Variants in PLA2G2C observed in about 807,000 individuals in gnomAD.
The protein encoded by PLA2G2C is putative inactive group IIC secretory phospholipase A2.
PLA2G2C carries 15 observed loss-of-function variants against 14.3 expected under a neutral mutation model. The ratio of observed to expected loss-of-function variants is 1.05; its 90% confidence interval spans 0.70 to 1.62. PLA2G2C has a LOEUF of 1.62. Ranked by LOEUF, PLA2G2C falls within the 40% of genes most tolerant of loss-of-function variation. The pLI is 0.00. For missense variants in PLA2G2C, 162 were observed against 173.2 expected (o/e 0.94, Z 0.36); for synonymous variants, 79 against 67.7 (o/e 1.17, Z -0.82).
At position 20,177,311 on chromosome 1, in the gene PLA2G2C, G is replaced by A. The variant is rs528812876; in HGVS notation, c.40+13C>T. 1 of 700,744 alleles carries A rather than the reference G, an allele frequency of 1.4e-6. No individual in the cohort carries two copies. The highest frequency in any genetic ancestry group is 1.7e-5 in the African/African-American group (1 of 57,308). 43.4% of individuals were successfully genotyped at this position (700,744 alleles called of 1,614,324 possible). On this transcript the variant is annotated intron_variant, in intron 2 of 4. Coordinates refer to ENST00000679259, the MANE Select transcript of PLA2G2C (RefSeq NM_001367969.2). Reference sequence around the variant, plus strand: ...CAGAAGCTTGGTGCTGACCCACCAAGCTCTCTACTTACAGCAGAAGAGGAG... The same window carrying A: ...CAGAAGCTTGGTGCTGACCCACCAAACTCTCTACTTACAGCAGAAGAGGAG...
Position 20,175,159 on chromosome 1 carries a change from T to A in PLA2G2C, c.41-14A>T, listed in dbSNP as rs761265164. 6.2e-7 allele frequency: 1 copy of A among 1,612,726 alleles called. No individual in the cohort carries two copies. On this transcript the variant is annotated splice_polypyrimidine_tract_variant and intron_variant, in intron 2 of 4. Transcript: ENST00000679259. ...TGTGGGTGGGGGCTGCCACCACCGATGAGAAAAAAAGGAAGAAGGAAGTTG... is the reference window on the plus strand; with the variant it reads ...TGTGGGTGGGGGCTGCCACCACCGAAGAGAAAAAAAGGAAGAAGGAAGTTG...
intron 1 of PLA2G2C, among the ~76,000 whole-genome samples, chr1:20,185,882 AGAG>A (rs1016064512): frequency 2.0e-5 from 3 of 152,142 alleles, no homozygotes; most frequent in African/African-American, 7.2e-5. Flanking sequence ...GACGCTAGGA[AGAG>A]GAGGAGAGAA....
At chr1:20,175,332 C>T in intron 2 of PLA2G2C, 187 bp from the exon 3 acceptor site, 1 of 795,722 alleles carries the variant, frequency 1.3e-6, no homozygotes, top group Admixed American at 2.9e-5. Context: ...TCAGATTTGC[C>T]CCTGTAACAC....
chr1:20,184,684 G>A (rs1020840877), intron 1 of PLA2G2C: 3 of 152,484 alleles, frequency 2.0e-5, no homozygotes, highest in African/African-American at 7.2e-5. Flanking sequence ...GGAAGTGTAG[G>A]CAGGCAAGTT....
chr1:20,166,570 G>A (rs79668656), intron 4 of PLA2G2C, among the ~76,000 whole-genome samples: 6,775 of 152,198 alleles, frequency 0.045, 172 homozygotes, highest in South Asian at 0.061. Context: ...AGTTGCTGTC[G>A]CCCTGGAAAC....
At chr1:20,173,248 G>A (rs930221076) in intron 3 of PLA2G2C, among the ~76,000 whole-genome samples, 5 of 151,776 alleles carry the variant, frequency 3.3e-5, no homozygotes, top group African/African-American at 1.2e-4. Flanking sequence ...CTCAGGTGAC[G>A]GAGGCTGCAG....
At chr1:20,183,416 G>A (rs1239882493) in intron 1 of PLA2G2C, among the ~76,000 whole-genome samples, 1 of 152,196 alleles carries the variant, frequency 6.6e-6, no homozygotes, top group East Asian at 1.9e-4. Flanking sequence ...TGGGACTCTG[G>A]GGTCCAGGGT....
At chr1:20,175,478 CA>C (rs1278703681) in intron 2 of PLA2G2C, among the ~76,000 whole-genome samples, 1 of 152,202 alleles carries the variant, frequency 6.6e-6, no homozygotes, top group African/African-American at 2.4e-5. Flanking sequence ...TCTGATGCAA[CA>C]TGAATGGCAA....
rs2017913508 is a variant in PLA2G2C at position 20,163,935 on chromosome 1, C to T, written c.*56G>A. On this transcript the variant is annotated 3_prime_UTR_variant, in exon 5 of 5. Coordinates refer to ENST00000679259, the MANE Select transcript of PLA2G2C (RefSeq NM_001367969.2). The stretch of plus-strand genomic sequence containing the variant: ...GTTGGGGATGATCTGAGAAGGCTTC[C>T]TGGAAGAGCAACACTAGAGCGGATG... The T allele has an allele frequency of 1.3e-6, 2 of 1,539,934 alleles. No individual in the cohort carries two copies. Among genetic ancestry groups the T allele is most frequent in the African/African-American group, 1.4e-5 (1 of 73,050 alleles).
At chr1:20,167,514 C>T (rs1384089353) in intron 4 of PLA2G2C, among the ~76,000 whole-genome samples, 1 of 152,186 alleles carries the variant, frequency 6.6e-6, no homozygotes, top group Non-Finnish European at 1.5e-5. Flanking sequence ...GCATTGCCGA[C>T]ATCTGACACT....
At position 20,172,878 on chromosome 1, in the gene PLA2G2C, AGGGAGATGAGG is replaced by A; in HGVS notation, c.188_198del (p.Pro63LeufsTer47). ...AACTCCTTCAGCTTCTCGTAGGGAG[AGGGAGATGAGG>A]GGCTGTGCCTGGAAGTGGGTCCCTC... On this transcript the variant is annotated frameshift_variant, in exon 4 of 5. Coordinates refer to ENST00000679259, the MANE Select transcript of PLA2G2C (RefSeq NM_001367969.2). LOFTEE classifies it high-confidence loss of function. 1 of 1,613,584 alleles carries A rather than the reference AGGGAGATGAGG, an allele frequency of 6.2e-7. No individual in the cohort carries two copies. Among genetic ancestry groups the A allele is most frequent in the Non-Finnish European group, 8.5e-7 (1 of 1,179,742 alleles).
At position 20,172,882 on chromosome 1, in the gene PLA2G2C, A is replaced by C; in HGVS notation, c.195T>G (p.Ser65=). The part of the protein sequence containing the change: ...VDDTDRHSPS[S]PSPYEKLKEF... ...CCTTCAGCTTCTCGTAGGGAGAGGG[A>C]GATGAGGGGCTGTGCCTGGAAGTGG... Residue 65 remains serine (S), a synonymous_variant, in exon 4 of 5, where the codon TCT becomes TCG. Transcript: ENST00000679259. 1 of 1,613,536 alleles carries C rather than the reference A, an allele frequency of 6.2e-7. No individual in the cohort carries two copies. Among genetic ancestry groups the C allele is most frequent in the South Asian group, 1.1e-5 (1 of 91,056 alleles).
chr1:20,175,931 C>T (rs1443567216), intron 2 of PLA2G2C, among the ~76,000 whole-genome samples: 5 of 142,960 alleles, frequency 3.5e-5, no homozygotes, highest in Non-Finnish European at 7.6e-5. Context: ...TTTTTTGAGA[C>T]GGAGTTTCGC....
At chr1:20,170,673 G>T (rs2018057849) in intron 4 of PLA2G2C, among the ~76,000 whole-genome samples, 1 of 152,150 alleles carries the variant, frequency 6.6e-6, no homozygotes, top group African/African-American at 2.4e-5. Flanking sequence ...GGCTGGCCTG[G>T]TCCTCACGGG....
At chr1:20,171,758 C>CTTTTTTT (rs10710359) in intron 4 of PLA2G2C, among the ~76,000 whole-genome samples, 1 of 121,524 alleles carries the variant, frequency 8.2e-6, no homozygotes, top group Non-Finnish European at 1.7e-5. Context: ...GCCACTTCTT[C>CTTTTTTT]TTTTTTTTTT....
At chr1:20,172,402 G>A (rs571504599) in intron 4 of PLA2G2C, among the ~76,000 whole-genome samples, 6 of 152,148 alleles carry the variant, frequency 3.9e-5, no homozygotes, top group Admixed American at 6.5e-5. Flanking sequence ...GCATGCAGTC[G>A]CCCTTAATAA....
intron 1 of PLA2G2C, among the ~76,000 whole-genome samples, chr1:20,181,553 A>C (rs537597945): frequency 7.8e-5 from 11 of 140,298 alleles, no homozygotes; most frequent in Middle Eastern, 6.8e-3. Context: ...CCTATCCAAA[A>C]CACCACCGAG....
intron 4 of PLA2G2C, among the ~76,000 whole-genome samples, chr1:20,165,724 G>A (rs1345596964): frequency 8.9e-6 from 1 of 112,762 alleles, no homozygotes; most frequent in African/African-American, 3.1e-5. Context: ...GTGTGCATGT[G>A]TATGCTTGTG....
chr1:20,167,801 G>A (rs531219470), intron 4 of PLA2G2C, among the ~76,000 whole-genome samples: 11 of 152,184 alleles, frequency 7.2e-5, no homozygotes, highest in Admixed American at 4.6e-4. Context: ...TGGCCCTGAG[G>A]TCTCAGACCA....
Sources: gnomAD v4.1 joint callset for allele counts (sites outside exome capture counted in the v4.1 genomes callset) on GRCh38, gnomAD v4.1.1 for gene constraint, MANE v1.5 for transcripts, NCBI Gene and HGNC (gene_info 2026-07-23, HGNC 2026-07-21) for gene names.